The following MDGA2 variants were observed in gnomAD, a reference collection of about 807,000 sequenced individuals.
MDGA2 encodes the protein MAM domain containing glycosylphosphatidylinositol anchor 2, also known as MAM domain-containing glycosylphosphatidylinositol anchor protein 2.
In MDGA2, 40 loss-of-function variants were observed where a neutral mutation model predicts 117.8. That is an observed-to-expected ratio of 0.34 (90% CI 0.26 to 0.44). The LOEUF is 0.44. Ranked by LOEUF, MDGA2 falls within the 20% of genes least tolerant of loss-of-function variation. MDGA2 has a pLI of 1.00. For missense variants in MDGA2, 1,123 were observed against 1,250.6 expected, an observed-to-expected ratio of 0.90 and a Z score of 1.54; for synonymous variants, 452 against 439.0, an observed-to-expected ratio of 1.03 and a Z score of -0.37.
intron 1 of MDGA2, among the ~76,000 whole-genome samples, chr14:47,462,380 A>AAC (rs1035044542): frequency 1.3e-5 from 2 of 151,236 alleles, no homozygotes; most frequent in African/African-American, 4.9e-5. Context: ...CGTCCCAAAA[A>AAC]AAAAAAAAAA....
chr14:46,893,964 C>T (rs1595026771), intron 10 of MDGA2, among the ~76,000 whole-genome samples: 1 of 151,874 alleles, frequency 6.6e-6, no homozygotes. Flanking sequence ...AAAGGCTGAG[C>T]CTTTAATGGC....
chr14:47,286,150 C>T (rs947120955), intron 2 of MDGA2, among the ~76,000 whole-genome samples: 2 of 151,924 alleles, frequency 1.3e-5, no homozygotes, highest in African/African-American at 4.8e-5. Context: ...TGTTTTGATA[C>T]AAGCATACAG....
chr14:47,155,810 G>C (rs1883345244), intron 3 of MDGA2, among the ~76,000 whole-genome samples: 1 of 151,288 alleles, frequency 6.6e-6, no homozygotes, highest in Non-Finnish European at 1.5e-5. Context: ...TTTCTGGCTG[G>C]CAAAGCGACA....
intron 8 of MDGA2, among the ~76,000 whole-genome samples, chr14:46,989,471 A>T (rs1886999175): frequency 6.6e-6 from 1 of 152,102 alleles, no homozygotes; most frequent in South Asian, 2.1e-4. Flanking sequence ...ATATGTGACT[A>T]ATCCATCTTT....
At chr14:46,881,504 T>G (rs928484610) in intron 11 of MDGA2, among the ~76,000 whole-genome samples, 8 of 152,162 alleles carry the variant, frequency 5.3e-5, no homozygotes, top group Admixed American at 6.6e-5. Context: ...ATACTGATTT[T>G]AATAATAATT....
chr14:47,502,550 T>A (rs1454541368), intron 1 of MDGA2, among the ~76,000 whole-genome samples: 1 of 152,224 alleles, frequency 6.6e-6, no homozygotes, highest in Non-Finnish European at 1.5e-5. Flanking sequence ...CCCACTCTAA[T>A]AACTAACTTT....
chr14:47,088,104 T>C (rs1405302261), intron 6 of MDGA2, among the ~76,000 whole-genome samples: 1 of 152,058 alleles, frequency 6.6e-6, no homozygotes, highest in African/African-American at 2.4e-5. Flanking sequence ...ATTTTTTATT[T>C]GAAATTATAT....
intron 8 of MDGA2, among the ~76,000 whole-genome samples, chr14:46,987,427 A>C (rs1886901647): frequency 2.0e-5 from 3 of 152,108 alleles, no homozygotes; most frequent in Non-Finnish European, 4.4e-5. Flanking sequence ...TGATATCCAC[A>C]AGAGCTACTC....
chr14:47,428,809 C>CAT (rs544360513), intron 1 of MDGA2, among the ~76,000 whole-genome samples: 32 of 151,828 alleles, frequency 2.1e-4, no homozygotes, highest in East Asian at 3.9e-4. Context: ...AAAATACATA[C>CAT]ATATATATAT....
intron 11 of MDGA2, among the ~76,000 whole-genome samples, chr14:46,878,302 T>TTC (rs1882310976): frequency 6.6e-6 from 1 of 151,992 alleles, no homozygotes. Context: ...ATTAACCACT[T>TTC]ATCACTCTGA....
chr14:47,386,301 A>C (rs1178319696), intron 1 of MDGA2, among the ~76,000 whole-genome samples: 1 of 152,194 alleles, frequency 6.6e-6, no homozygotes, highest in Admixed American at 6.6e-5. Flanking sequence ...AAAGAAAAGA[A>C]TAAAGTATAG....
chr14:46,996,288 C>T (rs1887288322), intron 8 of MDGA2, among the ~76,000 whole-genome samples: 1 of 152,084 alleles, frequency 6.6e-6, no homozygotes, highest in African/African-American at 2.4e-5. Context: ...CAAGGAAAAC[C>T]AGTGAAAGGT....
At chr14:47,268,103 G>A (rs939876905) in intron 2 of MDGA2, among the ~76,000 whole-genome samples, 4 of 147,886 alleles carry the variant, frequency 2.7e-5, no homozygotes, top group East Asian at 2.0e-4. Flanking sequence ...ACAGAGTTTC[G>A]TTCTTGTTGC....
intron 1 of MDGA2, among the ~76,000 whole-genome samples, chr14:47,602,524 C>T: frequency 6.6e-6 from 1 of 152,024 alleles, no homozygotes; most frequent in East Asian, 1.9e-4. Flanking sequence ...CACCTATGTT[C>T]CTTCTCTTTT....
chr14:46,948,156 CCCT>C (rs1163280353), intron 9 of MDGA2, among the ~76,000 whole-genome samples: 2 of 151,942 alleles, frequency 1.3e-5, no homozygotes, highest in African/African-American at 4.8e-5. Flanking sequence ...CTTATATCCT[CCCT>C]GCTTTCTTTG....
At chr14:47,488,169 G>T (rs1488068503) in intron 1 of MDGA2, among the ~76,000 whole-genome samples, 1 of 152,088 alleles carries the variant, frequency 6.6e-6, no homozygotes, top group African/African-American at 2.4e-5. Flanking sequence ...CCTATAAGGG[G>T]TATTGTCAGA....
At chr14:46,863,460 C>G (rs140899832) in intron 14 of MDGA2, among the ~76,000 whole-genome samples, 1 of 152,168 alleles carries the variant, frequency 6.6e-6, no homozygotes, top group Non-Finnish European at 1.5e-5. Flanking sequence ...TCCTATTGAA[C>G]AGAAATGAGT....
At position 46,986,814 on chromosome 14, in the gene MDGA2, T is replaced by G. The variant is rs564132637; in HGVS notation, c.1820-29171A>C. Among the ~76,000 whole-genome samples, 103 of 152,244 alleles carry G rather than the reference T, an allele frequency of 6.8e-4. 1 individual carries two copies. The highest frequency in any genetic ancestry group is 2.4e-3 in the African/African-American group (99 of 41,570). Reference sequence around the variant, plus strand: ...AACTGAGTAACTTATTCTACACTTTTTAGCATAACCTGCCAAGTGTGTCTG... The same window carrying G: ...AACTGAGTAACTTATTCTACACTTTGTAGCATAACCTGCCAAGTGTGTCTG... On this transcript the variant is annotated intron_variant, in intron 8 of 16. Transcript: ENST00000399232.
chr14:47,553,627 C>T (rs1895628226), intron 1 of MDGA2, among the ~76,000 whole-genome samples: 1 of 152,102 alleles, frequency 6.6e-6, no homozygotes, highest in Non-Finnish European at 1.5e-5. Context: ...TATTTTCCTA[C>T]ATATACATTG....
Sources: allele counts gnomAD v4.1 joint callset (sites outside exome capture counted in the v4.1 genomes callset), GRCh38; gene constraint gnomAD v4.1.1; transcripts MANE v1.5; gene names NCBI Gene and HGNC (gene_info 2026-07-23, HGNC 2026-07-21).